Variants in BASP1 observed in about 807,000 individuals in gnomAD.
BASP1 encodes the protein brain acid soluble protein 1.
A neutral mutation model predicts 2.2 loss-of-function variants in BASP1; 1 was observed. The ratio of observed to expected loss-of-function variants is 0.46; its 90% confidence interval spans 0.16 to 2.17. BASP1 has a LOEUF of 2.17. Among genes scored for constraint, BASP1 ranks in the 30% most tolerant of loss-of-function variants. The pLI is 0.27. For missense variants in BASP1, 352 were observed against 327.2 expected (o/e 1.08, Z -0.58); for synonymous variants, 187 against 154.2 (o/e 1.21, Z -1.58).
intron 1 of BASP1, among the ~76,000 whole-genome samples, chr5:17,259,644 T>G (rs556294602): frequency 6.6e-6 from 1 of 152,324 alleles, no homozygotes; most frequent in East Asian, 1.9e-4. Flanking sequence ...AATGTCAATA[T>G]GTAAGAATTT....
intron 1 of BASP1, among the ~76,000 whole-genome samples, chr5:17,229,025 AC>A (rs1213273688): frequency 6.6e-6 from 1 of 152,116 alleles, no homozygotes; most frequent in African/African-American, 2.4e-5. Flanking sequence ...TAAAAAAAAA[AC>A]AAAACTCTTA....
At chr5:17,227,634 C>T (rs1443430027) in intron 1 of BASP1, among the ~76,000 whole-genome samples, 1 of 151,826 alleles carries the variant, frequency 6.6e-6, no homozygotes, top group Non-Finnish European at 1.5e-5. Flanking sequence ...AAACTCCTAA[C>T]CTCAAGTGAT....
At chr5:17,262,695 G>A (rs1325619545) in intron 1 of BASP1, among the ~76,000 whole-genome samples, 1 of 151,968 alleles carries the variant, frequency 6.6e-6, no homozygotes, top group Non-Finnish European at 1.5e-5. Flanking sequence ...TGAAACTATT[G>A]CTTTTCCTTC....
In BASP1 at chr5:17,251,381, C is replaced by T. The variant is rs1014509494; in HGVS notation, c.-9-23827C>T. On this transcript the variant is annotated intron_variant, in intron 1 of 1. Transcript: ENST00000322611. This position sits in a 1 kb window ranked among gnomAD's most constrained non-coding sequence, Gnocchi z 4.0. ...ATTATTACACATTGTATACAAGTAT[C>T]AACATATCACATGTACCCCTAAAAT... Among the ~76,000 whole-genome samples, 11 of 152,168 alleles carry T rather than the reference C, an allele frequency of 7.2e-5. No homozygotes were observed. The highest frequency in any genetic ancestry group is 2.7e-4 in the African/African-American group (11 of 41,442).
chr5:17,250,896 G>A (rs1020456081), intron 1 of BASP1, among the ~76,000 whole-genome samples: 4 of 152,138 alleles, frequency 2.6e-5, no homozygotes, highest in East Asian at 3.9e-4. Context: ...GAGCCACAGC[G>A]CCCGGCCAAA....
At chr5:17,255,147 T>C (rs1740181721) in intron 1 of BASP1, among the ~76,000 whole-genome samples, 1 of 152,222 alleles carries the variant, frequency 6.6e-6, no homozygotes, top group African/African-American at 2.4e-5. Context: ...CAAATCTTTC[T>C]ATGTTAGTAT....
intron 1 of BASP1, among the ~76,000 whole-genome samples, chr5:17,233,318 G>A (rs1041382517): frequency 6.6e-6 from 1 of 152,164 alleles, no homozygotes; most frequent in African/African-American, 2.4e-5. Context: ...TCTGAAGATT[G>A]TCTCATTTTA....
chr5:17,219,443 G>A (rs961242266), intron 1 of BASP1, among the ~76,000 whole-genome samples: 3 of 152,310 alleles, frequency 2.0e-5, no homozygotes, highest in Non-Finnish European at 2.9e-5. Context: ...ATTAAGATTT[G>A]CCTTGATGAG....
At chr5:17,245,174 C>T (rs2126503385) in intron 1 of BASP1, among the ~76,000 whole-genome samples, 1 of 151,424 alleles carries the variant, frequency 6.6e-6, no homozygotes, top group African/African-American at 2.4e-5. Flanking sequence ...TGGTGGTGTG[C>T]ATCTGTAATC....
At chr5:17,258,728 C>A (rs531532626) in intron 1 of BASP1, among the ~76,000 whole-genome samples, 2 of 152,246 alleles carry the variant, frequency 1.3e-5, no homozygotes, top group Admixed American at 1.3e-4. Flanking sequence ...TGGCTGGGGA[C>A]AAATACCCTC....
intron 1 of BASP1, among the ~76,000 whole-genome samples, chr5:17,231,032 A>G (rs1007347394): frequency 6.6e-6 from 1 of 152,174 alleles, no homozygotes; most frequent in Non-Finnish European, 1.5e-5. Context: ...ATTTTACTAC[A>G]CTAGATAAAC....
Position 17,251,354 on chromosome 5 carries a change from T to C in BASP1, c.-9-23854T>C, listed in dbSNP as rs144371326. Among the ~76,000 whole-genome samples, 3 of 152,174 alleles carry C rather than the reference T, an allele frequency of 2.0e-5. No homozygotes were observed. Among genetic ancestry groups the C allele is most frequent in the Non-Finnish European group, 4.4e-5 (3 of 68,044 alleles). ...ATTAAACATCCCAAATACCCTGATT[T>C]TATTATTACACATTGTATACAAGTA... On this transcript the variant is annotated intron_variant, in intron 1 of 1. Transcript: ENST00000322611. This position sits in a 1 kb window ranked among gnomAD's most constrained non-coding sequence, Gnocchi z 4.0.
intron 1 of BASP1, among the ~76,000 whole-genome samples, chr5:17,244,354 A>G (rs1421998036): frequency 6.6e-6 from 1 of 152,218 alleles, no homozygotes; most frequent in Non-Finnish European, 1.5e-5. Flanking sequence ...CCTCAAACAT[A>G]AAACATAATA....
intron 1 of BASP1, among the ~76,000 whole-genome samples, chr5:17,256,063 T>C (rs546883396): frequency 2.6e-5 from 4 of 152,300 alleles, no homozygotes; most frequent in African/African-American, 9.6e-5. Flanking sequence ...AGGTTTCACA[T>C]GCTCTTCATT....
chr5:17,255,590 G>A (rs9312949), intron 1 of BASP1, among the ~76,000 whole-genome samples: 2,190 of 152,194 alleles, frequency 0.014, 57 homozygotes, highest in African/African-American at 0.05. Context: ...GTGTTGCAAC[G>A]TGTAACACAT....
intron 1 of BASP1, among the ~76,000 whole-genome samples, chr5:17,253,072 C>T (rs920093059): frequency 6.6e-6 from 1 of 152,158 alleles, no homozygotes; most frequent in Non-Finnish European, 1.5e-5. Flanking sequence ...TCTAGAATTT[C>T]TAGCTCATAA....
At chr5:17,240,110 G>A (rs1739832017) in intron 1 of BASP1, among the ~76,000 whole-genome samples, 2 of 148,428 alleles carry the variant, frequency 1.3e-5, no homozygotes, top group African/African-American at 5.0e-5. Flanking sequence ...TATAGAACAT[G>A]TTGGGAAAAA....
chr5:17,269,098 G>A (rs917316273), intron 1 of BASP1, among the ~76,000 whole-genome samples: 6 of 152,020 alleles, frequency 3.9e-5, no homozygotes, highest in African/African-American at 1.2e-4. Context: ...AAAAACAAAC[G>A]AACAAACAAC....
intron 1 of BASP1, among the ~76,000 whole-genome samples, chr5:17,247,784 G>A (rs573176247): frequency 1.3e-5 from 2 of 152,328 alleles, no homozygotes; most frequent in African/African-American, 2.4e-5. Flanking sequence ...GTACATTTTT[G>A]TTGCGTCTTT....
Sources: allele counts gnomAD v4.1 joint callset (sites outside exome capture counted in the v4.1 genomes callset), GRCh38; gene constraint gnomAD v4.1.1; non-coding constraint Gnocchi (gnomAD v3.1); transcripts MANE v1.5; gene names NCBI Gene and HGNC (gene_info 2026-07-23, HGNC 2026-07-21).